Variants in OPCML observed in about 807,000 individuals in gnomAD.
OPCML encodes the protein opioid-binding protein/cell adhesion molecule.
A neutral mutation model predicts 37.8 loss-of-function variants in OPCML; 13 were observed. The observed-to-expected ratio is 0.34, with a 90% confidence interval of 0.22 to 0.55. The LOEUF (loss-of-function observed/expected upper bound fraction) is 0.55. Ranked by LOEUF, OPCML falls within the 20% of genes least tolerant of loss-of-function variation. The probability of loss-of-function intolerance (pLI) is 0.91; values close to 1 mark genes in which losing one functional copy is unlikely to be tolerated. For synonymous variants in OPCML, 176 were observed against 168.8 expected, an observed-to-expected ratio of 1.04 and a Z score of -0.33; for missense variants, 341 against 435.6, an observed-to-expected ratio of 0.78 and a Z score of 1.93.
intron 2 of OPCML, among the ~76,000 whole-genome samples, chr11:132,661,246 C>T (rs936809749): frequency 1.3e-5 from 2 of 152,078 alleles, no homozygotes; most frequent in African/African-American, 4.8e-5. Context: ...AAAAGAGTAA[C>T]TGAGTAAAAG....
At chr11:132,697,299 A>G (rs1254874017) in intron 2 of OPCML, among the ~76,000 whole-genome samples, 1 of 152,194 alleles carries the variant, frequency 6.6e-6, no homozygotes, top group African/African-American at 2.4e-5. Context: ...AAGAGCATTT[A>G]AGAGATCTTC....
At chr11:133,290,059 G>GA (rs1942434022) in intron 1 of OPCML, among the ~76,000 whole-genome samples, 1 of 152,146 alleles carries the variant, frequency 6.6e-6, no homozygotes, top group African/African-American at 2.4e-5. Context: ...AGCCCACTAA[G>GA]AAAATCTTCT....
chr11:132,489,662 C>CATT (rs59932936), intron 4 of OPCML, among the ~76,000 whole-genome samples: 5,569 of 151,494 alleles, frequency 0.037, 314 homozygotes, highest in African/African-American at 0.12. Context: ...GTCTGTGGCC[C>CATT]ATTATTATTA....
At chr11:132,727,852 C>A (rs189727451) in intron 2 of OPCML, among the ~76,000 whole-genome samples, 1 of 152,332 alleles carries the variant, frequency 6.6e-6, no homozygotes. Context: ...TGTAATATGA[C>A]AGCTCAGCAG....
intron 1 of OPCML, among the ~76,000 whole-genome samples, chr11:133,049,564 A>G (rs1474078600): frequency 6.6e-6 from 1 of 152,252 alleles, no homozygotes; most frequent in East Asian, 1.9e-4. Flanking sequence ...AAGCAAAACA[A>G]AAGAGAAGTT....
intron 4 of OPCML, among the ~76,000 whole-genome samples, chr11:132,469,714 G>A (rs2096130648): frequency 6.9e-6 from 1 of 144,226 alleles, no homozygotes; most frequent in Non-Finnish European, 1.5e-5. Flanking sequence ...ATGTGTGGAG[G>A]GGAGTGAGTG....
intron 2 of OPCML, among the ~76,000 whole-genome samples, chr11:132,925,804 G>GT (rs1565970092): frequency 6.6e-6 from 1 of 152,048 alleles, no homozygotes; most frequent in African/African-American, 2.4e-5. Context: ...TGTGTTGAGG[G>GT]TTTTTTCTTG....
At chr11:133,366,744 A>T (rs952475537) in intron 1 of OPCML, among the ~76,000 whole-genome samples, 4 of 152,230 alleles carry the variant, frequency 2.6e-5, no homozygotes, top group African/African-American at 9.6e-5. Flanking sequence ...ACAGCAACTT[A>T]GTATTGAGAT....
intron 2 of OPCML, among the ~76,000 whole-genome samples, chr11:132,691,841 ATGCT>A (rs1484547934): frequency 5.3e-5 from 8 of 152,218 alleles, no homozygotes; most frequent in African/African-American, 1.9e-4. Flanking sequence ...ATCCATTTTT[ATGCT>A]TGTGACCAGC....
chr11:132,635,212 T>C (rs1322440092), intron 3 of OPCML, among the ~76,000 whole-genome samples: 2 of 152,164 alleles, frequency 1.3e-5, no homozygotes, highest in Non-Finnish European at 2.9e-5. Context: ...TAAATTTCCC[T>C]GTCTAAAACT....
intron 4 of OPCML, among the ~76,000 whole-genome samples, chr11:132,450,822 A>C (rs1030969263): frequency 6.6e-6 from 1 of 152,156 alleles, no homozygotes; most frequent in Non-Finnish European, 1.5e-5. Context: ...CATTTGGATA[A>C]ATTGCGTAAC....
chr11:132,435,911 C>T (rs1196082708), intron 7 of OPCML, among the ~76,000 whole-genome samples, 175 bp downstream of exon 7: 1 of 152,176 alleles, frequency 6.6e-6, no homozygotes, highest in Non-Finnish European at 1.5e-5. Flanking sequence ...TACTGTGTAA[C>T]TATCTCTGCA....
At chr11:132,435,569 G>C (rs1044299172) in intron 7 of OPCML, among the ~76,000 whole-genome samples, 1 of 144,314 alleles carries the variant, frequency 6.9e-6, no homozygotes, top group African/African-American at 2.6e-5. Flanking sequence ...ATATGGGAGG[G>C]AAAGATCTTC....
rs1183311478 is a variant in OPCML at position 133,211,413 on chromosome 11, C to T, written c.62-268403G>A. ...ACTGGGAACAATAAGGCTTCAGAGC[C>T]TTGCACCTGTCAGGGATGGGTTTCC... On this transcript the variant is annotated intron_variant, in intron 1 of 7. Transcript: ENST00000524381. The surrounding 1 kb of genome is among the most constrained non-coding windows in gnomAD (Gnocchi z 4.1). Among the ~76,000 whole-genome samples, 1 of 152,204 alleles carries T rather than the reference C, an allele frequency of 6.6e-6. No individual in the cohort carries two copies. Among genetic ancestry groups the T allele is most frequent in the Non-Finnish European group, 1.5e-5 (1 of 68,022 alleles).
intron 1 of OPCML, among the ~76,000 whole-genome samples, chr11:133,000,117 C>T (rs577080301): frequency 3.3e-5 from 5 of 152,258 alleles, no homozygotes; most frequent in South Asian, 2.1e-4. Context: ...AGTGTGGTGA[C>T]GTGATCTCGG....
At chr11:132,846,105 C>T (rs953801079) in intron 2 of OPCML, among the ~76,000 whole-genome samples, 5 of 152,172 alleles carry the variant, frequency 3.3e-5, no homozygotes, top group African/African-American at 1.2e-4. Context: ...ATCAAACACT[C>T]GGGGGGAAAT....
At chr11:133,056,924 ACCTCCGCCTT>A (rs1948251003) in intron 1 of OPCML, among the ~76,000 whole-genome samples, 1 of 152,056 alleles carries the variant, frequency 6.6e-6, no homozygotes, top group African/African-American at 2.4e-5. Context: ...GCTCACCACA[ACCTCCGCCTT>A]CCGGGTTCAA....
intron 4 of OPCML, among the ~76,000 whole-genome samples, chr11:132,468,533 A>T (rs1237034609): frequency 6.6e-6 from 1 of 152,220 alleles, no homozygotes; most frequent in African/African-American, 2.4e-5. Context: ...GTTATACTGC[A>T]GCTACAAAAA....
intron 2 of OPCML, among the ~76,000 whole-genome samples, chr11:132,722,335 G>T (rs1944704787): frequency 6.6e-6 from 1 of 151,782 alleles, no homozygotes; most frequent in African/African-American, 2.4e-5. Context: ...TTTTAGAGGG[G>T]ATGCAGGCTG....
Sources: gnomAD v4.1 joint callset for allele counts (sites outside exome capture counted in the v4.1 genomes callset) on GRCh38, gnomAD v4.1.1 for gene constraint, Gnocchi (gnomAD v3.1) non-coding constraint, MANE v1.5 for transcripts, NCBI Gene and HGNC (gene_info 2026-07-23, HGNC 2026-07-21) for gene names.